Variants in KLHL29 observed in about 807,000 individuals in gnomAD.
KLHL29 encodes the protein kelch-like protein 29.
In KLHL29, 21 loss-of-function variants were observed where a neutral mutation model predicts 80.4. The ratio of observed to expected loss-of-function variants is 0.26; its 90% CI spans 0.19 to 0.38. The LOEUF is 0.38. Ranked by LOEUF, KLHL29 falls within the 10% of genes least tolerant of loss-of-function variation. The pLI, the probability that KLHL29 is intolerant of heterozygous loss-of-function variation, is 1.00. For synonymous variants in KLHL29, 511 were observed against 526.8 expected (o/e 0.97, Z 0.41); for missense variants, 867 against 1,223.9 (o/e 0.71, Z 4.35).
intron 1 of KLHL29, among the ~76,000 whole-genome samples, chr2:23,439,132 T>C (rs1453461666): frequency 6.6e-6 from 1 of 150,830 alleles, no homozygotes; most frequent in Admixed American, 6.6e-5. Context: ...TGGTAGTTTG[T>C]ATTTCTGTGG....
At chr2:23,545,906 A>G (rs748694873) in intron 2 of KLHL29, among the ~76,000 whole-genome samples, 1 of 152,230 alleles carries the variant, frequency 6.6e-6, no homozygotes, top group Non-Finnish European at 1.5e-5. Context: ...ATCCAAGGCC[A>G]GTCCTCTGCA....
chr2:23,665,040 GC>G, intron 5 of KLHL29, among the ~76,000 whole-genome samples: 1 of 152,382 alleles, frequency 6.6e-6, no homozygotes, highest in East Asian at 1.9e-4. Flanking sequence ...TCTCTCACGT[GC>G]CTGGGTGGTG....
intron 3 of KLHL29, among the ~76,000 whole-genome samples, chr2:23,613,784 A>C (rs1281785363): frequency 7.9e-6 from 1 of 126,032 alleles, no homozygotes; most frequent in Non-Finnish European, 1.8e-5. Context: ...AAAAAAAAAA[A>C]AAAAAACCCA....
At chr2:23,386,625 G>A (rs1298193783) in intron 1 of KLHL29, among the ~76,000 whole-genome samples, 1 of 152,106 alleles carries the variant, frequency 6.6e-6, no homozygotes, top group Non-Finnish European at 1.5e-5. Context: ...TGGCCTCGGG[G>A]GGCCGGGGGA....
chr2:23,509,827 G>C (rs1653767), intron 2 of KLHL29, among the ~76,000 whole-genome samples: 72,453 of 151,942 alleles, frequency 0.48, 18,134 homozygotes, highest in Non-Finnish European at 0.53. Flanking sequence ...AGAGCGGCTG[G>C]GTGCTGCTTT....
intron 2 of KLHL29, among the ~76,000 whole-genome samples, chr2:23,559,972 G>A (rs1220577340): frequency 2.6e-5 from 4 of 152,186 alleles, no homozygotes; most frequent in African/African-American, 9.6e-5. Context: ...CTGCAGAGGA[G>A]GGTTCCGGAA....
chr2:23,441,700 G>C (rs1663529210), intron 1 of KLHL29, among the ~76,000 whole-genome samples: 1 of 152,166 alleles, frequency 6.6e-6, no homozygotes, highest in Non-Finnish European at 1.5e-5. Context: ...GTTGGAGCTG[G>C]CTGTTGACTG....
intron 1 of KLHL29, among the ~76,000 whole-genome samples, chr2:23,406,339 AAAAAG>A (rs1212029666): frequency 2.8e-5 from 4 of 144,924 alleles, no homozygotes; most frequent in Admixed American, 1.4e-4. Context: ...AAAAAAAAAA[AAAAAG>A]AAAAGAAAAC....
At chr2:23,439,301 T>C (rs1341427668) in intron 1 of KLHL29, among the ~76,000 whole-genome samples, 17 of 152,204 alleles carry the variant, frequency 1.1e-4, no homozygotes, top group Admixed American at 1.1e-3. Context: ...TTTTTTTGTC[T>C]TCATTTCCTT....
chr2:23,485,240 G>A (rs982302624), intron 2 of KLHL29, among the ~76,000 whole-genome samples: 4 of 152,222 alleles, frequency 2.6e-5, no homozygotes, highest in Non-Finnish European at 4.4e-5. Context: ...ACTCTCTCAG[G>A]AGACTACCGG....
intron 3 of KLHL29, among the ~76,000 whole-genome samples, chr2:23,624,121 G>A (rs893224242): frequency 5.3e-5 from 8 of 152,096 alleles, no homozygotes; most frequent in Admixed American, 3.3e-4. Context: ...CTCACAAGGC[G>A]CCATTGGTAT....
chr2:23,482,211 T>A (rs1430029551), intron 2 of KLHL29, among the ~76,000 whole-genome samples: 1 of 152,142 alleles, frequency 6.6e-6, no homozygotes, highest in Non-Finnish European at 1.5e-5. Flanking sequence ...GCGGGTGAGA[T>A]GGAGGGGCGC....
At chr2:23,397,039 C>A (rs721894) in intron 1 of KLHL29, among the ~76,000 whole-genome samples, 2,743 of 152,210 alleles carry the variant, frequency 0.018, 100 homozygotes, top group African/African-American at 0.063. Context: ...GCTCTAGTGG[C>A]CCCTGGGTAG....
chr2:23,691,646 G>GT (rs1249793183), intron 6 of KLHL29, 28 bp from the exon 7 acceptor site: 2 of 1,547,288 alleles, frequency 1.3e-6, no homozygotes, highest in Admixed American at 2.0e-5. Flanking sequence ...AGGGCAGGAG[G>GT]TAAGGACACC....
At chr2:23,567,440 GC>G (rs1280654291) in intron 3 of KLHL29, among the ~76,000 whole-genome samples, 3 of 152,054 alleles carry the variant, frequency 2.0e-5, no homozygotes, top group Non-Finnish European at 4.4e-5. Flanking sequence ...ACCAAAAGGG[GC>G]TATGAAATCT....
At chr2:23,703,915 GA>G in intron 13 of KLHL29, 52 bp downstream of exon 13, 1 of 1,499,486 alleles carries the variant, frequency 6.7e-7, no homozygotes, top group Non-Finnish European at 8.9e-7. Context: ...GTGGGAGGAG[GA>G]GGGGTGTGAC....
At chr2:23,698,372 C>T (rs1366939891) in intron 11 of KLHL29, among the ~76,000 whole-genome samples, 6 of 152,216 alleles carry the variant, frequency 3.9e-5, no homozygotes, top group Admixed American at 6.5e-5. Flanking sequence ...GGAACGCTCA[C>T]TGCTTTCCAA....
chr2:23,634,692 G>A (rs1267441315), intron 3 of KLHL29, among the ~76,000 whole-genome samples: 1 of 152,250 alleles, frequency 6.6e-6, no homozygotes, highest in East Asian at 1.9e-4. Flanking sequence ...GCCATCCAGG[G>A]CTCCAGGCAG....
At chr2:23,389,459 A>C (rs1301282605) in intron 1 of KLHL29, among the ~76,000 whole-genome samples, 1 of 152,236 alleles carries the variant, frequency 6.6e-6, no homozygotes, top group African/African-American at 2.4e-5. Context: ...TTCTGTAATC[A>C]GTCAACTAAG....
Sources: allele counts gnomAD v4.1 joint callset (sites outside exome capture counted in the v4.1 genomes callset), GRCh38; gene constraint gnomAD v4.1.1; transcripts MANE v1.5; gene names NCBI Gene and HGNC (gene_info 2026-07-23, HGNC 2026-07-21).